Variants in CDK8 observed in about 807,000 individuals in gnomAD.
The protein encoded by CDK8 is cyclin dependent kinase 8.
Under a neutral mutation model 71.5 loss-of-function variants are expected in CDK8, and 29 were observed. The ratio of observed to expected loss-of-function variants is 0.41; its 90% confidence interval spans 0.30 to 0.55. CDK8 has a LOEUF of 0.55. Ranked by LOEUF, CDK8 falls within the 20% of genes least tolerant of loss-of-function variation. The pLI is 0.37. For synonymous variants in CDK8, 161 were observed against 192.1 expected (o/e 0.84, Z 1.34); for missense variants, 288 against 572.6 (o/e 0.50, Z 5.07).
At chr13:26,345,014 C>T (rs549914744) in intron 2 of CDK8, among the ~76,000 whole-genome samples, 4 of 152,194 alleles carry the variant, frequency 2.6e-5, no homozygotes, top group East Asian at 1.9e-4. Context: ...AGACTGGCAG[C>T]GTGATACATG....
chr13:26,389,014 G>C (rs1875612225), intron 6 of CDK8, among the ~76,000 whole-genome samples: 1 of 152,148 alleles, frequency 6.6e-6, no homozygotes, highest in African/African-American at 2.4e-5. Context: ...TTGAACAACG[G>C]AAGTAACAAA....
intron 4 of CDK8, among the ~76,000 whole-genome samples, chr13:26,359,177 A>G (rs1236930293): frequency 6.6e-6 from 1 of 152,242 alleles, no homozygotes; most frequent in African/African-American, 2.4e-5. Context: ...GAGTAGTCAG[A>G]TTCATAGAGA....
intron 1 of CDK8, among the ~76,000 whole-genome samples, chr13:26,269,742 A>G (rs1362874158): frequency 6.6e-6 from 1 of 152,160 alleles, no homozygotes; most frequent in East Asian, 1.9e-4. Flanking sequence ...TGAATTTAAA[A>G]TGTGCTTGGT....
In CDK8 at chr13:26,279,117, C is replaced by T. The variant is rs1351806926; in HGVS notation, c.128+24348C>T. Reference sequence around the variant, plus strand: ...TATTATAATTTGTCCTATAACGAACCCGTGAATCCATCTCGATAGTAAAAA... The same window carrying T: ...TATTATAATTTGTCCTATAACGAACTCGTGAATCCATCTCGATAGTAAAAA... On this transcript the variant is annotated intron_variant, in intron 1 of 12. Coordinates refer to ENST00000381527, the MANE Select transcript of CDK8 (RefSeq NM_001260.3). Among the ~76,000 whole-genome samples, 17 of 151,916 alleles carry T rather than the reference C, an allele frequency of 1.1e-4. No homozygotes were observed. In the South Asian group the frequency reaches 2.3e-3, roughly 21 times the overall value.
chr13:26,309,731 T>C (rs1874201841), intron 1 of CDK8, among the ~76,000 whole-genome samples: 1 of 152,206 alleles, frequency 6.6e-6, no homozygotes, highest in Non-Finnish European at 1.5e-5. Context: ...CAGATATCTG[T>C]TCTGTGTTCA....
At chr13:26,285,184 A>G (rs1872948151) in intron 1 of CDK8, among the ~76,000 whole-genome samples, 1 of 152,206 alleles carries the variant, frequency 6.6e-6, no homozygotes, top group African/African-American at 2.4e-5. Flanking sequence ...GTGAGCTGAG[A>G]TCATGCCACT....
intron 4 of CDK8, among the ~76,000 whole-genome samples, chr13:26,376,357 T>G (rs1208740399): frequency 6.6e-6 from 1 of 152,244 alleles, no homozygotes; most frequent in Non-Finnish European, 1.5e-5. Context: ...AGTCTTCAGC[T>G]TAGTTATCTC....
At chr13:26,380,578 G>C (rs1438184671) in intron 4 of CDK8, among the ~76,000 whole-genome samples, 7 of 151,978 alleles carry the variant, frequency 4.6e-5, no homozygotes, top group Admixed American at 4.6e-4. Context: ...CCACCTCCCA[G>C]GCTCAAGCAA....
rs530997724 is a variant in CDK8 at position 26,278,762 on chromosome 13, C to T, written c.128+23993C>T. ...TAATTTGAACATTAGACAGAATATA[C>T]AGTTGACCCTGTGTATCTGTGGGTT... On this transcript the variant is annotated intron_variant, in intron 1 of 12. Transcript: ENST00000381527. 2.0e-5 allele frequency among the ~76,000 whole-genome samples: 3 copies of T among 152,286 alleles called. No homozygotes were observed. The East Asian group carries it at 5.8e-4, about 29-fold the overall frequency.
At chr13:26,293,227 G>A (rs1873383193) in intron 1 of CDK8, among the ~76,000 whole-genome samples, 1 of 152,016 alleles carries the variant, frequency 6.6e-6, no homozygotes, top group African/African-American at 2.4e-5. Flanking sequence ...TCATCTGAAT[G>A]TTCTTTTTCA....
At chr13:26,358,506 G>A (rs1226388971) in intron 4 of CDK8, among the ~76,000 whole-genome samples, 2 of 152,120 alleles carry the variant, frequency 1.3e-5, no homozygotes, top group Non-Finnish European at 2.9e-5. Context: ...GTGAAAACAA[G>A]TAAAGATACA....
intron 2 of CDK8, among the ~76,000 whole-genome samples, chr13:26,339,734 T>A (rs1873149798): frequency 9.3e-6 from 1 of 107,138 alleles, no homozygotes; most frequent in African/African-American, 3.0e-5. Context: ...TTTATTTTAT[T>A]TATATAATTA....
chr13:26,255,557 G>A (rs1305212952), intron 1 of CDK8, among the ~76,000 whole-genome samples: 1 of 152,112 alleles, frequency 6.6e-6, no homozygotes, highest in Non-Finnish European at 1.5e-5. Flanking sequence ...TTTCTTAACA[G>A]GCAAGTGAAT....
chr13:26,259,855 G>A (rs1340353927), intron 1 of CDK8, among the ~76,000 whole-genome samples: 1 of 152,128 alleles, frequency 6.6e-6, no homozygotes, highest in African/African-American at 2.4e-5. Flanking sequence ...ATGCAAAGAC[G>A]AATGAAGTAT....
At chr13:26,333,143 T>C (rs920635499) in intron 1 of CDK8, among the ~76,000 whole-genome samples, 40 of 145,632 alleles carry the variant, frequency 2.7e-4, no homozygotes, top group African/African-American at 9.9e-4. Context: ...TTATATACCT[T>C]CTTTTTTTTT....
chr13:26,343,087 T>G (rs1001140088), intron 2 of CDK8, among the ~76,000 whole-genome samples: 1 of 152,190 alleles, frequency 6.6e-6, no homozygotes, highest in African/African-American at 2.4e-5. Flanking sequence ...TTTAACCTAA[T>G]TACTTCTTAA....
At chr13:26,318,650 T>C (rs1874623639) in intron 1 of CDK8, among the ~76,000 whole-genome samples, 1 of 152,216 alleles carries the variant, frequency 6.6e-6, no homozygotes, top group East Asian at 1.9e-4. Context: ...GCAAGCGTGG[T>C]TCAACATGTG....
intron 1 of CDK8, 60 bp from the exon 2 acceptor site, chr13:26,337,507 T>G: frequency 1.6e-6 from 1 of 631,414 alleles, no homozygotes; most frequent in Non-Finnish European, 2.5e-6. Flanking sequence ...ATATTTTACT[T>G]TATAAAAATG....
intron 3 of CDK8, among the ~76,000 whole-genome samples, chr13:26,352,275 G>A (rs1873712190): frequency 6.6e-6 from 1 of 151,960 alleles, no homozygotes; most frequent in Non-Finnish European, 1.5e-5. Flanking sequence ...GAGAGCGGTG[G>A]CAGGATCTCC....
Sources: gnomAD v4.1 joint callset for allele counts (sites outside exome capture counted in the v4.1 genomes callset) on GRCh38, gnomAD v4.1.1 for gene constraint, MANE v1.5 for transcripts, NCBI Gene and HGNC (gene_info 2026-07-23, HGNC 2026-07-21) for gene names.